The following TRPC5 variants were observed in gnomAD, a reference collection of about 807,000 sequenced individuals.
The protein encoded by TRPC5 is transient receptor potential cation channel subfamily C member 5.
Under a neutral mutation model 56.5 loss-of-function variants are expected in TRPC5, and 9 were observed. That is an observed-to-expected ratio of 0.16 (90% CI 0.10 to 0.28). TRPC5 has a LOEUF of 0.28. TRPC5 is among the 10% of genes least tolerant of loss of function. TRPC5 has a pLI of 1.00. For missense variants in TRPC5, 469 were observed against 748.9 expected (o/e 0.63, Z 4.36); for synonymous variants, 282 against 278.5 (o/e 1.01, Z -0.13).
At chrX:112,037,056 C>A (rs759943631) in intron 1 of TRPC5, among the ~76,000 whole-genome samples, 2 of 111,957 alleles carry the variant, frequency 1.8e-5, no homozygotes, top group South Asian at 7.5e-4. Context: ...CAAAATGTGT[C>A]CCCTCAAAAT....
chrX:111,875,824 G>A (rs1006572569), intron 3 of TRPC5, among the ~76,000 whole-genome samples: 11 of 109,821 alleles, frequency 1.0e-4, no homozygotes, highest in Admixed American at 3.9e-4. Flanking sequence ...TAGCAACCAT[G>A]GCTGTTCACA....
At chrX:112,070,773 C>T (rs1015766245) in intron 1 of TRPC5, among the ~76,000 whole-genome samples, 19 of 108,478 alleles carry the variant, frequency 1.8e-4, no homozygotes, top group African/African-American at 6.5e-4. Context: ...TTACTTCCTC[C>T]TCCATCCTCA....
At chrX:111,796,763 G>C (rs1921109740) in intron 7 of TRPC5, among the ~76,000 whole-genome samples, 1 of 110,540 alleles carries the variant, frequency 9.0e-6, no homozygotes, top group Non-Finnish European at 1.9e-5. Flanking sequence ...GAGAGATTAG[G>C]GCCTTCTCCA....
At chrX:112,016,360 A>AGTGTGTGTGTGTGT (rs113555140) in intron 1 of TRPC5, among the ~76,000 whole-genome samples, 2 of 102,817 alleles carry the variant, frequency 1.9e-5, no homozygotes, top group African/African-American at 7.3e-5. Context: ...GGAAGGTTGG[A>AGTGTGTGTGTGTGT]GTGTGTGTGT....
chrX:112,019,504 C>T (rs773967684), intron 1 of TRPC5, among the ~76,000 whole-genome samples: 18 of 109,813 alleles, frequency 1.6e-4, no homozygotes, highest in African/African-American at 5.3e-4. Flanking sequence ...GGCGCGATCT[C>T]GGCTCACTGC....
chrX:111,909,642 T>G (rs1251253285), intron 3 of TRPC5, among the ~76,000 whole-genome samples: 4 of 111,466 alleles, frequency 3.6e-5, no homozygotes, highest in African/African-American at 1.3e-4. Context: ...CTCTGATGCT[T>G]AATCAAGAGA....
chrX:112,023,384 C>A (rs113136074), intron 1 of TRPC5, among the ~76,000 whole-genome samples: 1 of 105,578 alleles, frequency 9.5e-6, no homozygotes, highest in South Asian at 4.3e-4. Context: ...CCTCCAGCCT[C>A]TTGTGGGTTT....
intron 1 of TRPC5, among the ~76,000 whole-genome samples, chrX:112,055,063 T>G (rs1183598697): frequency 8.9e-6 from 1 of 112,164 alleles, no homozygotes; most frequent in African/African-American, 3.2e-5. Context: ...CTTCATTTAC[T>G]CTCCTCATAT....
intron 7 of TRPC5, among the ~76,000 whole-genome samples, chrX:111,802,916 G>A (rs113573191): frequency 0.024 from 2,617 of 110,193 alleles, 74 homozygotes; most frequent in African/African-American, 0.082. Flanking sequence ...TGCACAACCT[G>A]CAGGTTCAAT....
intron 1 of TRPC5, among the ~76,000 whole-genome samples, chrX:111,959,582 G>A (rs1182720610): frequency 8.9e-6 from 1 of 111,837 alleles, no homozygotes; most frequent in African/African-American, 3.3e-5. Context: ...GGATTTGGGT[G>A]AGGGCGATGG....
chrX:111,813,236 C>T (rs1247941378), intron 7 of TRPC5, among the ~76,000 whole-genome samples: 1 of 112,356 alleles, frequency 8.9e-6, no homozygotes, highest in African/African-American at 3.2e-5. Flanking sequence ...TTTTGTGCGG[C>T]TATAATGTGC....
intron 3 of TRPC5, among the ~76,000 whole-genome samples, chrX:111,857,030 G>A (rs1923258433): frequency 9.0e-6 from 1 of 111,113 alleles, no homozygotes; most frequent in South Asian, 3.8e-4. Context: ...TTGTAGGGTT[G>A]GTGTGAGGAT....
chrX:111,861,988 T>C (rs1923418561), intron 3 of TRPC5, among the ~76,000 whole-genome samples: 1 of 111,789 alleles, frequency 8.9e-6, no homozygotes, highest in South Asian at 3.8e-4. Context: ...ATTTTCTAGA[T>C]GCATAAATTA....
At chrX:112,018,442 T>C (rs758795115) in intron 1 of TRPC5, among the ~76,000 whole-genome samples, 72 of 112,594 alleles carry the variant, frequency 6.4e-4, no homozygotes, top group Non-Finnish European at 1.3e-3. Context: ...GTTTCACTAA[T>C]GACAGGAAGT....
In TRPC5 at chrX:111,770,709, G is replaced by C. The variant is rs1179678869; in HGVS notation, c.*5604C>G. Among the ~76,000 whole-genome samples the C allele has an allele frequency of 9.0e-6, 1 of 111,279 alleles. No individual in the cohort carries two copies. The highest frequency in any genetic ancestry group is 2.8e-4 in the East Asian group (1 of 3,550). ...CAAAGCCTCCTTTCTTCCTTCCAAG[G>C]GTCAGCTTTAAGAGTTGTGTAAGAG... is the stretch of plus-strand genomic sequence containing the variant. On this transcript the variant is annotated 3_prime_UTR_variant, in exon 11 of 11. Transcript: ENST00000262839.
At chrX:112,014,384 G>A (rs769081818) in intron 1 of TRPC5, among the ~76,000 whole-genome samples, 32 of 111,988 alleles carry the variant, frequency 2.9e-4, no homozygotes, top group Non-Finnish European at 5.5e-4. Context: ...AAAATATTAG[G>A]TCATTTAGTC....
At chrX:111,939,003 G>A (rs890270188) in intron 2 of TRPC5, among the ~76,000 whole-genome samples, 3 of 111,966 alleles carry the variant, frequency 2.7e-5, no homozygotes, top group Non-Finnish European at 5.6e-5. Context: ...TAGAGGAAAG[G>A]AAAGGATCAT....
At chrX:112,075,621 A>C (rs1448326788) in intron 1 of TRPC5, among the ~76,000 whole-genome samples, 1 of 111,867 alleles carries the variant, frequency 8.9e-6, no homozygotes, top group East Asian at 2.8e-4. Context: ...GGATTATGTC[A>C]GTGGGCCCAA....
chrX:112,020,664 C>A (rs112320401), intron 1 of TRPC5, among the ~76,000 whole-genome samples: 1,870 of 111,332 alleles, frequency 0.017, 35 homozygotes, highest in African/African-American at 0.058. Flanking sequence ...ATAATGAAAT[C>A]TCTGGGGTGT....
Sources: gnomAD v4.1 joint callset for allele counts (sites outside exome capture counted in the v4.1 genomes callset) on GRCh38, gnomAD v4.1.1 for gene constraint, MANE v1.5 for transcripts, NCBI Gene and HGNC (gene_info 2026-07-23, HGNC 2026-07-21) for gene names.